CCDC149: variants seen among roughly 807,000 people sequenced by gnomAD.
CCDC149 encodes coiled-coil domain-containing protein 149.
A neutral mutation model predicts 59.9 loss-of-function variants in CCDC149; 45 were observed. The ratio of observed to expected loss-of-function variants is 0.75; its 90% CI spans 0.59 to 0.96. The LOEUF (loss-of-function observed/expected upper bound fraction) is 0.96, where lower values mean the gene tolerates loss of function less well. Ranked by LOEUF, CCDC149 falls within the 40% of genes least tolerant of loss-of-function variation. The probability of loss-of-function intolerance (pLI) is 0.00; values close to 1 mark genes in which losing one functional copy is unlikely to be tolerated. For missense variants in CCDC149, 584 were observed against 664.7 expected, an observed-to-expected ratio of 0.88 and a Z score of 1.33; for synonymous variants, 245 against 260.6, an observed-to-expected ratio of 0.94 and a Z score of 0.58.
chr4:24,864,198 A>T (rs955568611), intron 3 of CCDC149, among the ~76,000 whole-genome samples: 1 of 152,206 alleles, frequency 6.6e-6, no homozygotes, highest in Non-Finnish European at 1.5e-5. Context: ...TTGTAAAACT[A>T]ATGAAAATCC....
intron 1 of CCDC149, among the ~76,000 whole-genome samples, chr4:24,978,306 TTAA>T (rs1199597306): frequency 1.3e-5 from 2 of 152,132 alleles, no homozygotes; most frequent in African/African-American, 2.4e-5. Context: ...AAATATCCTA[TTAA>T]TAATTTTTAT....
intron 1 of CCDC149, among the ~76,000 whole-genome samples, chr4:24,879,484 A>G (rs1036266224): frequency 6.7e-6 from 1 of 148,544 alleles, no homozygotes; most frequent in Non-Finnish European, 1.5e-5. Flanking sequence ...ACCATTGCAC[A>G]CCAGCTGGGC....
At chr4:24,950,869 C>T (rs1723266742) in intron 1 of CCDC149, among the ~76,000 whole-genome samples, 1 of 152,186 alleles carries the variant, frequency 6.6e-6, no homozygotes, top group African/African-American at 2.4e-5. Flanking sequence ...AGGACCTGGC[C>T]AACGTGGCCA....
At chr4:24,973,581 C>A (rs1420797073) in intron 1 of CCDC149, among the ~76,000 whole-genome samples, 1 of 152,152 alleles carries the variant, frequency 6.6e-6, no homozygotes, top group Non-Finnish European at 1.5e-5. Context: ...AGAAAACATG[C>A]TTGAGAGTGA....
intron 1 of CCDC149, among the ~76,000 whole-genome samples, chr4:24,932,913 G>A (rs953397102): frequency 5.9e-5 from 9 of 152,182 alleles, no homozygotes; most frequent in African/African-American, 1.9e-4. Context: ...AATGATCTGG[G>A]AGAGGAGCCT....
At chr4:24,960,842 G>A (rs994281426) in intron 1 of CCDC149, among the ~76,000 whole-genome samples, 2 of 152,144 alleles carry the variant, frequency 1.3e-5, no homozygotes, top group Non-Finnish European at 2.9e-5. Flanking sequence ...GTAATTGGTA[G>A]AATAAACAGA....
Position 24,819,852 on chromosome 4 carries a change from T to G in CCDC149, c.1192+7A>C, listed in dbSNP as rs1422332365. 6.5e-7 allele frequency: 1 copy of G among 1,546,656 alleles called. No individual in the cohort carries two copies. ...AGGTAAAGATGGAGAAATCGAGGCG[T>G]GCTTACCATCCTTGGGATCTGCTTT... On this transcript the variant is annotated splice_region_variant and intron_variant, in intron 12 of 12. Coordinates refer to ENST00000635206, the MANE Select transcript of CCDC149 (RefSeq NM_001330643.2).
chr4:24,824,354 G>A (rs1489508336), intron 9 of CCDC149, among the ~76,000 whole-genome samples: 5 of 152,154 alleles, frequency 3.3e-5, no homozygotes, highest in African/African-American at 1.2e-4. Context: ...AATGGACTCA[G>A]TAGAAGTTAT....
intron 3 of CCDC149, among the ~76,000 whole-genome samples, chr4:24,858,793 A>G (rs559758097): frequency 4.6e-4 from 70 of 152,306 alleles, no homozygotes; most frequent in African/African-American, 1.6e-3. Context: ...TTGTGAAGGC[A>G]AAGACCAGGA....
chr4:24,906,368 T>TTATTGTATTTTTTTATTTTATTG, intron 1 of CCDC149, among the ~76,000 whole-genome samples: 1 of 23,298 alleles, frequency 4.3e-5, no homozygotes, highest in South Asian at 2.9e-3. Flanking sequence ...GGAACAAATT[T>TTATTGTATTTTTTTATTTTATTG]TATTTTATTT....
chr4:24,849,571 G>A (rs1037459205), intron 4 of CCDC149, among the ~76,000 whole-genome samples: 2 of 152,140 alleles, frequency 1.3e-5, no homozygotes, highest in African/African-American at 2.4e-5. Context: ...TGGAAGCCAG[G>A]GTGGCAACAA....
chr4:24,885,045 G>C (rs546729308), intron 1 of CCDC149, among the ~76,000 whole-genome samples: 1 of 152,190 alleles, frequency 6.6e-6, no homozygotes, highest in Non-Finnish European at 1.5e-5. Flanking sequence ...TGAGAGGCCA[G>C]AAGATGTGTG....
intron 1 of CCDC149, among the ~76,000 whole-genome samples, chr4:24,948,340 G>T: frequency 6.6e-6 from 1 of 152,320 alleles, no homozygotes; most frequent in South Asian, 2.1e-4. Flanking sequence ...AAAGGTTGAT[G>T]CAGAATAACG....
chr4:24,937,033 C>T (rs1416601205), intron 1 of CCDC149, among the ~76,000 whole-genome samples: 1 of 152,192 alleles, frequency 6.6e-6, no homozygotes, highest in African/African-American at 2.4e-5. Flanking sequence ...TTCAGGGGCA[C>T]AAGTGGACCT....
At position 24,845,315 on chromosome 4, in the gene CCDC149, C is replaced by T. The variant is rs116429012; in HGVS notation, c.373-7043G>A. ...ACACTTCCTTCAGGGCTCTGTGTCACGCACATGCGCAGAGGGCCTTCCCTG... is the reference window on the plus strand; with the variant it reads ...ACACTTCCTTCAGGGCTCTGTGTCATGCACATGCGCAGAGGGCCTTCCCTG... On this transcript the variant is annotated intron_variant, in intron 4 of 12. Transcript: ENST00000635206. Among the ~76,000 whole-genome samples, 634 of 152,328 alleles carry T rather than the reference C, an allele frequency of 4.2e-3. 8 individuals carry two copies. The highest frequency in any genetic ancestry group is 0.014 in the African/African-American group (581 of 41,568).
At chr4:24,951,964 G>A (rs570495524) in intron 1 of CCDC149, among the ~76,000 whole-genome samples, 19 of 152,206 alleles carry the variant, frequency 1.2e-4, no homozygotes, top group Non-Finnish European at 2.2e-4. Context: ...TGTGAAGGAC[G>A]AGACCTTTTC....
chr4:24,895,147 G>T, intron 1 of CCDC149: 1 of 808,626 alleles, frequency 1.2e-6, no homozygotes, highest in Non-Finnish European at 2.1e-6. Context: ...TATAAAAACA[G>T]CATATGATAC....
intron 1 of CCDC149, among the ~76,000 whole-genome samples, chr4:24,909,671 A>G (rs1378674969): frequency 6.6e-6 from 1 of 152,280 alleles, no homozygotes; most frequent in East Asian, 1.9e-4. Flanking sequence ...GTGGGAGATA[A>G]TTGAATCATG....
chr4:24,926,684 C>T (rs527245441), intron 1 of CCDC149, among the ~76,000 whole-genome samples: 1 of 152,264 alleles, frequency 6.6e-6, no homozygotes, highest in East Asian at 1.9e-4. Context: ...CAGATTATGT[C>T]GGTCAGGAAT....
Sources: allele counts gnomAD v4.1 joint callset (sites outside exome capture counted in the v4.1 genomes callset), GRCh38; gene constraint gnomAD v4.1.1; transcripts MANE v1.5; gene names NCBI Gene and HGNC (gene_info 2026-07-23, HGNC 2026-07-21).